CSMD3: variants seen among roughly 807,000 people sequenced by gnomAD.
CSMD3 encodes CUB and sushi domain-containing protein 3.
A neutral mutation model predicts 435.2 loss-of-function variants in CSMD3; 177 were observed. The ratio of observed to expected loss-of-function variants is 0.41; its 90% CI spans 0.36 to 0.46. CSMD3 has a LOEUF of 0.46. Among genes scored for constraint, CSMD3 ranks in the 20% least tolerant of loss-of-function variants. The probability of loss-of-function intolerance (pLI) is 0.34; values close to 1 mark genes in which losing one functional copy is unlikely to be tolerated. For synonymous variants in CSMD3, 1,656 were observed against 1,520.5 expected (o/e 1.09, Z -2.07); for missense variants, 4,265 against 4,504.6 (o/e 0.95, Z 1.52).
Position 112,685,428 on chromosome 8 carries a change from A to G in CSMD3, c.2460T>C (p.Arg820=), listed in dbSNP as rs2075989213. 1.9e-6 allele frequency: 3 copies of G among 1,613,916 alleles called. No individual in the cohort carries two copies. Among genetic ancestry groups the G allele is most frequent in the Middle Eastern group, 1.7e-4 (1 of 6,058 alleles). Residue 820 remains arginine (R), a synonymous_variant, in exon 15 of 71, where the codon CGT becomes CGC. Coordinates refer to ENST00000297405, the MANE Select transcript of CSMD3 (RefSeq NM_198123.2). ...TACTGTTGTAAGTGATGTTAAAGCC[A>G]CGTCCTGACATTGAGTGGTCAGCCT... ...EFQADHSMSG[R]GFNITYNTFG... is the part of the protein sequence containing the mutation.
In CSMD3 at chr8:112,306,010, C is replaced by T. The variant is rs953403891; in HGVS notation, c.8068G>A (p.Val2690Ile). The T allele has an allele frequency of 6.2e-7, 1 of 1,612,738 alleles. No individual in the cohort carries two copies. Among genetic ancestry groups the T allele is most frequent in the Non-Finnish European group, 8.5e-7 (1 of 1,178,836 alleles). ...WSNHNKTPRC[V>I]VVTCPSINSF... ...GAAATTCCCTTGACACACATACCAACACAGCGAGGGGTCTTGTTATGATTG... is the reference window on the plus strand; with the variant it reads ...GAAATTCCCTTGACACACATACCAATACAGCGAGGGGTCTTGTTATGATTG... Residue 2690 changes from valine to isoleucine, a missense_variant, in exon 51 of 71, where the codon GTT (valine) becomes ATT (isoleucine). Physicochemically the swap from Val to Ile is conservative, Grantham distance 29. Transcript: ENST00000297405.
intron 1 of CSMD3, among the ~76,000 whole-genome samples, chr8:113,322,593 A>T (rs2093956506): frequency 6.6e-6 from 1 of 152,196 alleles, no homozygotes; most frequent in South Asian, 2.1e-4. Flanking sequence ...CTTAGCATTT[A>T]CATATGTATT....
chr8:113,346,849 A>G (rs1237876248), intron 1 of CSMD3, among the ~76,000 whole-genome samples: 1 of 152,124 alleles, frequency 6.6e-6, no homozygotes, highest in Admixed American at 6.6e-5. Flanking sequence ...TTTTCTTTAT[A>G]GAGAATATAC....
chr8:113,402,204 T>G (rs916888231), intron 1 of CSMD3, among the ~76,000 whole-genome samples: 1 of 146,440 alleles, frequency 6.8e-6, no homozygotes, highest in Non-Finnish European at 1.5e-5. Context: ...TTATCTTAAA[T>G]TTTTTCATTT....
chr8:112,835,584 C>A (rs1417243415), intron 11 of CSMD3, among the ~76,000 whole-genome samples: 1 of 151,816 alleles, frequency 6.6e-6, no homozygotes, highest in Non-Finnish European at 1.5e-5. Context: ...CCCCATTATT[C>A]ATTGTATCCA....
chr8:112,257,218 TCAC>T (rs1194663629), intron 61 of CSMD3, among the ~76,000 whole-genome samples: 1 of 152,196 alleles, frequency 6.6e-6, no homozygotes, highest in East Asian at 1.9e-4. Context: ...ATGCTCTCTC[TCAC>T]CACTCCCATT....
In CSMD3 at chr8:112,820,866, C is replaced by T. The variant is rs10453073; in HGVS notation, c.1859+8820G>A. ...TGTGTGTTGTTCTCCTGCCTGTGTA[C>T]ATGTTCAACTCCCACTTATGAGTGA... On this transcript the variant is annotated intron_variant, in intron 12 of 70. Transcript: ENST00000297405. Among the ~76,000 whole-genome samples, 97 of 151,756 alleles carry T rather than the reference C, an allele frequency of 6.4e-4. 1 individual carries two copies. The highest frequency in any genetic ancestry group is 2.2e-3 in the African/African-American group (93 of 41,472).
At chr8:113,373,636 TTAA>T (rs1261441196) in intron 1 of CSMD3, among the ~76,000 whole-genome samples, 1 of 152,074 alleles carries the variant, frequency 6.6e-6, no homozygotes, top group African/African-American at 2.4e-5. Flanking sequence ...CCTTTTTGGG[TTAA>T]TAATTTTCCT....
At chr8:112,278,109 C>T (rs1818259550) in intron 59 of CSMD3, among the ~76,000 whole-genome samples, 1 of 152,070 alleles carries the variant, frequency 6.6e-6, no homozygotes, top group Admixed American at 6.5e-5. Context: ...AATATGGAAC[C>T]AATTCTGGGG....
At chr8:113,389,364 T>C (rs2094452269) in intron 1 of CSMD3, among the ~76,000 whole-genome samples, 2 of 151,542 alleles carry the variant, frequency 1.3e-5, no homozygotes, top group Non-Finnish European at 3.0e-5. Flanking sequence ...CACAAAAAAC[T>C]TGGGCCCTCA....
chr8:113,414,554 C>A (rs1203674139), intron 1 of CSMD3, among the ~76,000 whole-genome samples: 1 of 146,690 alleles, frequency 6.8e-6, no homozygotes, highest in African/African-American at 2.5e-5. Flanking sequence ...TGAAAACTCT[C>A]TTTGGTGTAA....
chr8:113,122,987 C>A (rs538217857), intron 4 of CSMD3, among the ~76,000 whole-genome samples: 2 of 151,194 alleles, frequency 1.3e-5, no homozygotes, highest in Non-Finnish European at 2.9e-5. Flanking sequence ...CATTGGCCCA[C>A]CCATGGGCTT....
At position 112,629,535 on chromosome 8, in the gene CSMD3, G is replaced by T. The variant is rs563913206; in HGVS notation, c.3715+7282C>A. ...CTCAATATAGCCTTAAAATCATAAA[G>T]TATAGAAAATGGTTGGCATGTTTTC... On this transcript the variant is annotated intron_variant, in intron 22 of 70. Transcript: ENST00000297405. 7.9e-5 allele frequency among the ~76,000 whole-genome samples: 12 copies of T among 152,272 alleles called. No individual in the cohort carries two copies. The East Asian group carries it at 2.3e-3, about 29-fold the overall frequency.
intron 13 of CSMD3, among the ~76,000 whole-genome samples, chr8:112,711,049 A>G (rs889988847): frequency 2.6e-5 from 4 of 152,062 alleles, no homozygotes; most frequent in African/African-American, 9.7e-5. Flanking sequence ...ACAGAAAGAA[A>G]GAGCAATAAA....
At chr8:112,920,426 TA>T (rs1446193709) in intron 10 of CSMD3, among the ~76,000 whole-genome samples, 1 of 151,912 alleles carries the variant, frequency 6.6e-6, no homozygotes, top group Non-Finnish European at 1.5e-5. Flanking sequence ...ATTATATTCA[TA>T]TTTTTAAACA....
chr8:112,763,285 T>C (rs937306773), intron 13 of CSMD3, among the ~76,000 whole-genome samples: 4 of 151,540 alleles, frequency 2.6e-5, no homozygotes, highest in African/African-American at 9.7e-5. Context: ...CAAGTTAAGC[T>C]TAAAAATTTG....
intron 31 of CSMD3, among the ~76,000 whole-genome samples, chr8:112,488,230 C>T (rs1820330303): frequency 6.6e-6 from 1 of 152,064 alleles, no homozygotes. Context: ...AATCTATCTT[C>T]TAAAATAGAC....
intron 14 of CSMD3, among the ~76,000 whole-genome samples, chr8:112,688,853 T>G (rs1486043204): frequency 2.0e-5 from 3 of 151,994 alleles, no homozygotes; most frequent in Non-Finnish European, 4.4e-5. Context: ...TCAGCAAAAT[T>G]TTCAGTATTT....
intron 39 of CSMD3, among the ~76,000 whole-genome samples, 162 bp from the exon 40 acceptor site, chr8:112,351,406 G>A (rs1021087188): frequency 6.6e-6 from 1 of 151,918 alleles, no homozygotes; most frequent in African/African-American, 2.4e-5. Flanking sequence ...AGTAAGAAAG[G>A]TGATTATATA....
Sources: allele counts gnomAD v4.1 joint callset (sites outside exome capture counted in the v4.1 genomes callset), GRCh38; gene constraint gnomAD v4.1.1; transcripts MANE v1.5; gene names NCBI Gene and HGNC (gene_info 2026-07-23, HGNC 2026-07-21).